Variants in THRB observed in about 807,000 individuals in gnomAD.
THRB encodes nuclear receptor subfamily 1 group A member 2.
In THRB, 12 loss-of-function variants were observed where a neutral mutation model predicts 47.8. The observed-to-expected ratio is 0.25, with a 90% CI of 0.16 to 0.41. The LOEUF is 0.41. THRB is among the 10% of genes least tolerant of loss of function. The pLI is 1.00. For synonymous variants in THRB, 218 were observed against 212.2 expected, an observed-to-expected ratio of 1.03 and a Z score of -0.24; for missense variants, 348 against 589.2, an observed-to-expected ratio of 0.59 and a Z score of 4.24.
chr3:24,418,852 C>G (rs191958429), intron 1 of THRB, among the ~76,000 whole-genome samples: 1 of 152,038 alleles, frequency 6.6e-6, no homozygotes, highest in Admixed American at 6.6e-5. Flanking sequence ...TTTTTTTCCT[C>G]ATAGGTACAA....
chr3:24,384,622 A>T (rs539730233), intron 1 of THRB, among the ~76,000 whole-genome samples: 3 of 152,160 alleles, frequency 2.0e-5, no homozygotes, highest in Admixed American at 2.0e-4. Flanking sequence ...CATTAGTTTA[A>T]TTAGAATGTG....
chr3:24,454,128 G>A (rs1372887412), intron 1 of THRB, among the ~76,000 whole-genome samples: 1 of 152,044 alleles, frequency 6.6e-6, no homozygotes, highest in Non-Finnish European at 1.5e-5. Context: ...AAAAAGGCAA[G>A]ATAATTTAAA....
Position 24,118,273 on chromosome 3 carries a change from T to C in THRB, c.*4611A>G, listed in dbSNP as rs1346583279. On this transcript the variant is annotated 3_prime_UTR_variant, in exon 11 of 11. Transcript: ENST00000646209. The stretch of plus-strand genomic sequence containing the variant: ...CTTATGAGTTTATCTACGCCCACTA[T>C]ATTCATAATTACAGTTTTATATCTG... 3 of 148,520 alleles carry C rather than the reference T, an allele frequency of 2.0e-5. No individual in the cohort carries two copies. Among genetic ancestry groups the C allele is most frequent in the Non-Finnish European group, 4.4e-5 (3 of 68,020 alleles). The allele number at this position is 148,520 out of a possible 1,614,324, so 9.2% of individuals were successfully genotyped here.
intron 2 of THRB, among the ~76,000 whole-genome samples, chr3:24,335,193 A>C (rs900284598): frequency 6.6e-6 from 1 of 152,118 alleles, no homozygotes; most frequent in East Asian, 1.9e-4. Flanking sequence ...CTGGGAGGGC[A>C]ATGATTCTTG....
At chr3:24,495,666 G>A (rs553190627), upstream of THRB, 1 of 152,420 alleles carries the variant, frequency 6.6e-6, no homozygotes, top group Admixed American at 6.5e-5. Context: ...CGGGACCGGA[G>A]GGCGAGTCTT....
chr3:24,189,924 G>T, intron 5 of THRB, 150 bp downstream of exon 5: 1 of 730,134 alleles, frequency 1.4e-6, no homozygotes, highest in East Asian at 2.6e-5. Context: ...AAGAATATTT[G>T]AAGAAAAGGA....
At chr3:24,368,696 C>T (rs1185953002) in intron 1 of THRB, among the ~76,000 whole-genome samples, 1 of 152,212 alleles carries the variant, frequency 6.6e-6, no homozygotes, top group African/African-American at 2.4e-5. Context: ...AATCAACACA[C>T]TGCTGATGCT....
chr3:24,309,337 T>C (rs1357696066), intron 2 of THRB, among the ~76,000 whole-genome samples: 1 of 152,220 alleles, frequency 6.6e-6, no homozygotes, highest in African/African-American at 2.4e-5. Flanking sequence ...TTTTGTTTCT[T>C]TACTCTCTTT....
At chr3:24,479,264 C>G (rs775544555) in intron 1 of THRB, among the ~76,000 whole-genome samples, 2 of 152,154 alleles carry the variant, frequency 1.3e-5, no homozygotes, top group Admixed American at 1.3e-4. Flanking sequence ...ATTGCGCCAC[C>G]GCACTCCAGT....
At chr3:24,160,395 G>A (rs919319862) in intron 5 of THRB, among the ~76,000 whole-genome samples, 3 of 152,186 alleles carry the variant, frequency 2.0e-5, no homozygotes, top group African/African-American at 7.2e-5. Context: ...GTGGCTGGAA[G>A]CAGAAGGCTT....
chr3:24,462,215 G>A (rs1032189322), intron 1 of THRB, among the ~76,000 whole-genome samples: 1 of 151,996 alleles, frequency 6.6e-6, no homozygotes, highest in African/African-American at 2.4e-5. Context: ...GCCCCAGATG[G>A]CAAGGACTTG....
chr3:24,368,342 G>A (rs976529262), intron 1 of THRB, among the ~76,000 whole-genome samples: 4 of 152,122 alleles, frequency 2.6e-5, no homozygotes, highest in African/African-American at 7.2e-5. Context: ...TGTGTGTACA[G>A]TGTGCACAAG....
intron 3 of THRB, among the ~76,000 whole-genome samples, chr3:24,288,786 T>C (rs1453116471): frequency 6.6e-6 from 1 of 152,170 alleles, no homozygotes; most frequent in East Asian, 1.9e-4. Context: ...TTTTAAAAAA[T>C]GAAATGAAGT....
intron 1 of THRB, among the ~76,000 whole-genome samples, chr3:24,479,195 G>C (rs905324819): frequency 6.6e-6 from 1 of 152,156 alleles, no homozygotes. Flanking sequence ...CCAGCTACTC[G>C]GGAGGCTGAG....
At chr3:24,289,808 A>C (rs980323013) in intron 3 of THRB, among the ~76,000 whole-genome samples, 1 of 152,228 alleles carries the variant, frequency 6.6e-6, no homozygotes, top group African/African-American at 2.4e-5. Context: ...CTACTTACTG[A>C]CATGACTAAA....
intron 3 of THRB, among the ~76,000 whole-genome samples, chr3:24,293,256 G>A (rs1576609264): frequency 6.6e-6 from 1 of 152,244 alleles, no homozygotes; most frequent in East Asian, 1.9e-4. Flanking sequence ...GCTTTCCCTA[G>A]AATGTGGAGT....
intron 1 of THRB, among the ~76,000 whole-genome samples, chr3:24,394,111 GGTT>G (rs2066778092): frequency 6.6e-6 from 1 of 152,086 alleles, no homozygotes; most frequent in Non-Finnish European, 1.5e-5. Flanking sequence ...AAATAATCGA[GGTT>G]GTGTGGTGGG....
intron 3 of THRB, among the ~76,000 whole-genome samples, chr3:24,279,506 T>C (rs1044554830): frequency 9.2e-5 from 14 of 151,496 alleles, no homozygotes; most frequent in Admixed American, 8.5e-4. Context: ...TGCCTCAGCC[T>C]CCCGAGTAGC....
chr3:24,202,949 C>G (rs2044770315), intron 4 of THRB, among the ~76,000 whole-genome samples: 1 of 152,336 alleles, frequency 6.6e-6, no homozygotes, highest in South Asian at 2.1e-4. Flanking sequence ...CACTTGGAAT[C>G]TTCCTCAGGA....
Sources: gnomAD v4.1 joint callset for allele counts (sites outside exome capture counted in the v4.1 genomes callset) on GRCh38, gnomAD v4.1.1 for gene constraint, MANE v1.5 for transcripts, NCBI Gene and HGNC (gene_info 2026-07-23, HGNC 2026-07-21) for gene names.